Variants in TF observed in about 807,000 individuals in gnomAD.
TF encodes transferrin.
A neutral mutation model predicts 82.4 loss-of-function variants in TF; 55 were observed. The observed-to-expected ratio is 0.67, with a 90% confidence interval of 0.54 to 0.84. The LOEUF is 0.84. TF is among the 40% of genes least tolerant of loss of function. TF has a pLI of 0.00. For synonymous variants in TF, 332 were observed against 332.6 expected, an observed-to-expected ratio of 1.00 and a Z score of 0.02; for missense variants, 737 against 868.4, an observed-to-expected ratio of 0.85 and a Z score of 1.90.
chr3:133,683,943 T>C, the TF span, among the ~76,000 whole-genome samples: 18 of 152,192 alleles, frequency 1.2e-4, no homozygotes, highest in African/African-American at 4.3e-4. Flanking sequence ...ATTGACCACA[T>C]AGTTGGAAGT....
chr3:133,774,377 A>G (rs1934332916), intron 14 of TF: 1 of 152,232 alleles, frequency 6.6e-6, no homozygotes, highest in Non-Finnish European at 1.5e-5. Flanking sequence ...TAAAGATACT[A>G]TTATAGCCAC....
At position 133,794,195 on chromosome 3, in the gene TF, T is replaced by G. The variant is rs1687701623; in HGVS notation, c.*15575T>G. 6.6e-6 allele frequency: 1 copy of G among 152,108 alleles called. No homozygotes were observed. The allele number at this position is 152,108 out of a possible 1,614,324, so 9.4% of individuals were successfully genotyped here. A position where few individuals can be genotyped will look rare whatever the true frequency, so the allele number is the denominator to read the frequency against. ...TTGTCCTTCCTAAGTCGTTAAAGCT[T>G]TTGTTAGTAAAATTTCTGCATTACA... On this transcript the variant is annotated 3_prime_UTR_variant, in exon 17 of 17. Transcript: ENST00000402696.
At chr3:133,742,816 T>G (rs1364811421), upstream of TF, among the ~76,000 whole-genome samples, 1 of 152,222 alleles carries the variant, frequency 6.6e-6, no homozygotes, top group African/African-American at 2.4e-5. Flanking sequence ...ACTGCTTTCT[T>G]ACCCACCTCC....
At chr3:133,738,583 TCTC>T in the TF span, among the ~76,000 whole-genome samples, 57,855 of 151,484 alleles carry the variant, frequency 0.38, 11,446 homozygotes, top group South Asian at 0.5. Flanking sequence ...CAGTCCAAAA[TCTC>T]CTTAAGCTGA....
intron 6 of TF, 56 bp from the exon 7 acceptor site, chr3:133,756,775 G>T: frequency 6.2e-7 from 1 of 1,602,736 alleles, no homozygotes; most frequent in Admixed American, 1.7e-5. Context: ...TTCAAGGATG[G>T]GCACCACAGC....
At position 133,750,392 on chromosome 3, in the gene TF, G is replaced by A. The variant is rs555643568; in HGVS notation, c.216+1808G>A. Among the ~76,000 whole-genome samples the A allele has an allele frequency of 3.9e-5, 6 of 152,262 alleles. No individual in the cohort carries two copies. The East Asian group carries it at 5.8e-4, about 15-fold the overall frequency. On this transcript the variant is annotated intron_variant, in intron 2 of 16. Transcript: ENST00000402696. Reference sequence around the variant, plus strand: ...GCACAAAGCAAGCAGTAGGTTAGCCGAAGGGAAAAGGTGGAAGAAACATCC... The same window carrying A: ...GCACAAAGCAAGCAGTAGGTTAGCCAAAGGGAAAAGGTGGAAGAAACATCC...
At chr3:133,713,992 C>G in the TF span, among the ~76,000 whole-genome samples, 20 of 152,232 alleles carry the variant, frequency 1.3e-4, no homozygotes, top group East Asian at 3.1e-3. Flanking sequence ...ACTGAGGAAC[C>G]AAGGGAGGTG....
chr3:133,744,402 C>T (rs928575490), upstream of TF, among the ~76,000 whole-genome samples: 7 of 152,226 alleles, frequency 4.6e-5, no homozygotes, highest in African/African-American at 1.7e-4. Flanking sequence ...TACTACAGGG[C>T]CTGTCCATGC....
chr3:133,741,641 A>G (rs563885715), upstream of TF, among the ~76,000 whole-genome samples: 3 of 152,304 alleles, frequency 2.0e-5, no homozygotes, highest in Admixed American at 2.0e-4. Flanking sequence ...TGGATATTGA[A>G]TTTTATGAAA....
chr3:133,770,699 T>C, intron 14 of TF, 127 bp downstream of exon 14: 2 of 1,100,780 alleles, frequency 1.8e-6, no homozygotes, highest in South Asian at 2.5e-5. Context: ...TGATTCTCAG[T>C]CTGTCTGCTC....
the TF span, among the ~76,000 whole-genome samples, chr3:133,665,305 A>G: frequency 1.3e-5 from 2 of 151,964 alleles, no homozygotes; most frequent in Admixed American, 1.3e-4. Context: ...CATCTCTACA[A>G]AAAATACAAA....
At chr3:133,722,198 G>A in the TF span, among the ~76,000 whole-genome samples, 1 of 151,602 alleles carries the variant, frequency 6.6e-6, no homozygotes, top group Non-Finnish European at 1.5e-5. Flanking sequence ...TACAATTTTT[G>A]ACTTAATGTC....
chr3:133,681,331 TG>T, the TF span, among the ~76,000 whole-genome samples: 2 of 152,216 alleles, frequency 1.3e-5, no homozygotes, highest in South Asian at 4.1e-4. Flanking sequence ...TTCATCTCAC[TG>T]GGTCTTGTTG....
chr3:133,729,797 C>T, the TF span, among the ~76,000 whole-genome samples: 7 of 152,190 alleles, frequency 4.6e-5, no homozygotes, highest in Non-Finnish European at 7.3e-5. Context: ...ATTCGGCCAT[C>T]TTGGCTCCTC....
At chr3:133,690,438 A>C in the TF span, among the ~76,000 whole-genome samples, 2 of 152,262 alleles carry the variant, frequency 1.3e-5, no homozygotes, top group East Asian at 3.8e-4. Context: ...ACATTTCTAA[A>C]GTGATAACAC....
Position 133,768,099 on chromosome 3 carries a change from C to A in TF, c.1557C>A (p.Gly519=), listed in dbSNP as rs1449959377. The stretch of plus-strand genomic sequence containing the variant: ...CCAGTCTCTGTAAGCTGTGTATGGG[C>A]TCAGGCCTAAACCTGTGTGAACCCA... ...KDSSLCKLCM[G]SGLNLCEPNN... is the part of the protein sequence containing the mutation. Residue 519 remains glycine, a synonymous_variant, in exon 13 of 17, where the codon GGC becomes GGA. Transcript: ENST00000402696. 1.2e-6 allele frequency: 2 copies of A among 1,614,172 alleles called. No homozygotes were observed. The highest frequency in any genetic ancestry group is 1.7e-6 in the Non-Finnish European group (2 of 1,180,026).
At chr3:133,777,467 A>T in intron 16 of TF, 1 of 543,994 alleles carries the variant, frequency 1.8e-6, no homozygotes. Context: ...CTTATTGGGT[A>T]TAGAGAATTC....
At chr3:133,754,375 C>T (rs1472662912) in intron 3 of TF, 120 bp from the exon 4 acceptor site, 12 of 1,003,276 alleles carry the variant, frequency 1.2e-5, no homozygotes, top group Admixed American at 1.8e-5. Flanking sequence ...CACTCCTTAT[C>T]GCCCAGTCCA....
chr3:133,770,376 C>CTTA, intron 13 of TF, 132 bp from the exon 14 acceptor site: 1 of 817,760 alleles, frequency 1.2e-6, no homozygotes, highest in Non-Finnish European at 2.2e-6. Context: ...CCTTACATTG[C>CTTA]TTACTGTTAG....
Sources: gnomAD v4.1 joint callset for allele counts (sites outside exome capture counted in the v4.1 genomes callset) on GRCh38, gnomAD v4.1.1 for gene constraint, MANE v1.5 for transcripts, NCBI Gene and HGNC (gene_info 2026-07-23, HGNC 2026-07-21) for gene names.